The following KLHL35 variants were observed in gnomAD, a reference collection of about 807,000 sequenced individuals.
KLHL35 encodes the protein kelch-like protein 35.
A neutral mutation model predicts 44.0 loss-of-function variants in KLHL35; 50 were observed. That is an observed-to-expected ratio of 1.14 (90% CI 0.91 to 1.44). KLHL35 has a LOEUF of 1.44. Among genes scored for constraint, KLHL35 ranks in the 40% most tolerant of loss-of-function variants. The pLI is 0.00. For synonymous variants in KLHL35, 470 were observed against 410.4 expected, an observed-to-expected ratio of 1.15 and a Z score of -1.76; for missense variants, 1,049 against 887.8, an observed-to-expected ratio of 1.18 and a Z score of -2.31.
Position 75,429,761 on chromosome 11 carries a change from G to T in KLHL35, c.869C>A (p.Thr290Asn). ...ATGGCGGCCCTACCTCCGCGGCCGGGTCCGCAGCGCACCGGCCTCGCGGCC... is the reference window on the plus strand; with the variant it reads ...ATGGCGGCCCTACCTCCGCGGCCGGTTCCGCAGCGCACCGGCCTCGCGGCC... The part of the protein sequence containing the change: ...ILGREAGALR[T>N]RPRRFMDLAE... Residue 290 changes from threonine to asparagine, a missense_variant, in exon 2 of 7, where the codon ACC becomes AAC. Coordinates refer to ENST00000539798, the MANE Select transcript of KLHL35 (RefSeq NM_001039548.3). 2 of 1,481,606 alleles carry T rather than the reference G, an allele frequency of 1.3e-6. No individual in the cohort carries two copies. Among genetic ancestry groups the T allele is most frequent in the Non-Finnish European group, 1.8e-6 (2 of 1,121,854 alleles). 91.8% of individuals were successfully genotyped at this position (1,481,606 alleles called of 1,614,324 possible). A position where few individuals can be genotyped will look rare whatever the true frequency, so the allele number is the denominator to read the frequency against.
chr11:75,430,379 A>G lies in KLHL35; in HGVS notation c.251T>C (p.Val84Ala). 1 of 1,362,882 alleles carries G rather than the reference A, an allele frequency of 7.3e-7. No homozygotes were observed. The highest frequency in any genetic ancestry group is 9.5e-7 in the Non-Finnish European group (1 of 1,055,070). 84.4% of individuals were successfully genotyped at this position (1,362,882 alleles called of 1,614,324 possible). Residue 84 changes from valine to alanine, a missense_variant, in exon 2 of 7, where the codon GTG (valine) becomes GCG (alanine). Coordinates refer to ENST00000539798, the MANE Select transcript of KLHL35 (RefSeq NM_001039548.3). The stretch of plus-strand genomic sequence containing the variant: ...TGGCGCCTCGGGAGCTACTGGCACC[A>G]CTGGCACCACGGCCGGGCCGCGCTC... Reference protein sequence around the residue: ...RPERGPAVVPVVPVAPEAPGT... With the variant: ...RPERGPAVVPAVPVAPEAPGT...
Position 75,430,537 on chromosome 11 carries a change from C to T in KLHL35, c.93G>A (p.Leu31=). The change falls in exon 2 of 7, where the codon CTG becomes CTA. Residue 31 remains leucine (L), a synonymous_variant. Coordinates refer to ENST00000539798, the MANE Select transcript of KLHL35 (RefSeq NM_001039548.3). ...PCHAQRVLQA[L]NAYRRSGTLT... ...GGGTGCCGCTCCGCCGGTAGGCGTT[C>T]AGGGCCTGCAGCACGCGCTGCGCGT... is the stretch of plus-strand genomic sequence containing the variant. The T allele has an allele frequency of 6.9e-7, 1 of 1,450,648 alleles. No homozygotes were observed. The highest frequency in any genetic ancestry group is 9.0e-7 in the Non-Finnish European group (1 of 1,105,810). The allele number at this position is 1,450,648 out of a possible 1,614,324, so 89.9% of individuals were successfully genotyped here.
intron 1 of KLHL35, among the ~76,000 whole-genome samples, chr11:75,431,352 GGC>G (rs1295310734): frequency 2.2e-4 from 33 of 152,336 alleles, no homozygotes; most frequent in African/African-American, 7.9e-4. Context: ...TTCTGTGCCA[GGC>G]AGTGAGCAAG....
chr11:75,426,190 C>T (rs1226364137), intron 4 of KLHL35: 3 of 164,068 alleles, frequency 1.8e-5, no homozygotes, highest in Non-Finnish European at 4.1e-5. Flanking sequence ...CTCCTGACCT[C>T]GTGATCCGCC....
chr11:75,425,659 G>A, intron 4 of KLHL35, 78 bp from the exon 5 acceptor site: 1 of 1,250,080 alleles, frequency 8.0e-7, no homozygotes. Flanking sequence ...AGTCCTTACA[G>A]TCTTTGAGCT....
chr11:75,429,814 C>T lies in KLHL35; in HGVS notation c.816G>A (p.Leu272=), dbSNP rs1948518485. The T allele has an allele frequency of 1.3e-6, 2 of 1,511,414 alleles. No homozygotes were observed. The highest frequency in any genetic ancestry group is 2.4e-5 in the South Asian group (2 of 81,968). The allele number at this position is 1,511,414 out of a possible 1,614,324, so 93.6% of individuals were successfully genotyped here. A position where few individuals can be genotyped will look rare whatever the true frequency, so the allele number is the denominator to read the frequency against. The part of the protein sequence containing the change: ...LQACGECRPL[L]LEARACFILG... ...GGATGAAGCAGGCGCGAGCCTCGAG[C>T]AGCAGCGGGCGGCACTCGCCGCAGG... is the stretch of plus-strand genomic sequence containing the variant. The change falls in exon 2 of 7, where the codon CTG becomes CTA. Residue 272 remains leucine, a synonymous_variant. Transcript: ENST00000539798.
intron 1 of KLHL35, among the ~76,000 whole-genome samples, chr11:75,431,498 G>T (rs1371141417): frequency 6.6e-6 from 1 of 152,128 alleles, no homozygotes; most frequent in Admixed American, 6.5e-5. Context: ...GTCCCTGAGG[G>T]GAACCTTCCA....
At chr11:75,425,044 T>G (rs1021558325) in intron 5 of KLHL35, 69 of 100,480 alleles carry the variant, frequency 6.9e-4, no homozygotes, top group African/African-American at 5.9e-3. Context: ...ATTATGGGTT[T>G]TTTTTTTTTC....
intron 2 of KLHL35, among the ~76,000 whole-genome samples, chr11:75,429,161 T>C (rs113539770): frequency 0.026 from 3,915 of 152,308 alleles, 186 homozygotes; most frequent in African/African-American, 0.09. Flanking sequence ...ACCCTTTCAG[T>C]AAATCATTCT....
In KLHL35 at chr11:75,430,122, G is replaced by C. The variant is rs1441209736; in HGVS notation, c.508C>G (p.Leu170Val). 10 of 1,267,634 alleles carry C rather than the reference G, an allele frequency of 7.9e-6. No homozygotes were observed. The East Asian group carries it at 1.0e-4, about 13-fold the overall frequency. The allele number at this position is 1,267,634 out of a possible 1,614,324, so 78.5% of individuals were successfully genotyped here. Residue 170 changes from leucine to valine, a missense_variant, in exon 2 of 7, where the codon CTG (leucine) becomes GTG (valine). By Grantham distance (32) the Leu-to-Val change is conservative. Transcript: ENST00000539798. ...AGGACGCGGCCGCAGCGCTCGGCCA[G>C]CGGGGCCAGCGAGAAGGCGGCGGCC... ...RVAAAFSLAP[L>V]AERCGRVLRQ... is the part of the protein sequence containing the mutation.
rs933075226 is a variant in KLHL35, at chr11:75,430,396, G to C, written c.234C>G (p.Gly78=). ...SLFAAGRPER[G]PAVVPVVPVA... ...CTGGCACCACTGGCACCACGGCCGG[G>C]CCGCGCTCGGGCCGCCCGGCCGCGA... Residue 78 remains glycine, a synonymous_variant, in exon 2 of 7, where the codon GGC becomes GGG. Transcript: ENST00000539798. The C allele has an allele frequency of 2.3e-5, 32 of 1,370,402 alleles. No individual in the cohort carries two copies. Among genetic ancestry groups the C allele is most frequent in the Non-Finnish European group, 2.9e-5 (31 of 1,059,496 alleles). 84.9% of individuals were successfully genotyped at this position (1,370,402 alleles called of 1,614,324 possible). A position where few individuals can be genotyped will look rare whatever the true frequency, so the allele number is the denominator to read the frequency against.
chr11:75,429,726 A>C (rs964968615), intron 2 of KLHL35, 23 bp downstream of exon 2: 2 of 1,431,834 alleles, frequency 1.4e-6, no homozygotes, highest in Non-Finnish European at 1.8e-6. Flanking sequence ...GGAGGGCGGG[A>C]AGCTAGGGGA....
intron 6 of KLHL35, 162 bp downstream of exon 6, chr11:75,423,530 G>A: frequency 1.5e-6 from 1 of 666,872 alleles, no homozygotes; most frequent in Non-Finnish European, 2.6e-6. Context: ...TCTAAGGCCA[G>A]TCTCCTCATC....
chr11:75,429,624 T>C, intron 2 of KLHL35, 125 bp downstream of exon 2: 1 of 1,250,796 alleles, frequency 8.0e-7, no homozygotes, highest in East Asian at 3.2e-5. Context: ...ACCGAGCCTC[T>C]AAAATGTTGA....
At chr11:75,431,071 C>G (rs1948533821) in intron 1 of KLHL35, among the ~76,000 whole-genome samples, 1 of 152,166 alleles carries the variant, frequency 6.6e-6, no homozygotes, top group Admixed American at 6.5e-5. Context: ...GTTACTGGAA[C>G]CTGGAAATAT....
rs1470018034 is a variant in KLHL35, at chr11:75,429,886, C to A, written c.744G>T (p.Ala248=). 5.9e-6 allele frequency: 9 copies of A among 1,518,772 alleles called. No individual in the cohort carries two copies. Among genetic ancestry groups the A allele is most frequent in the Admixed American group, 2.0e-5 (1 of 49,794 alleles). 94.1% of individuals were successfully genotyped at this position (1,518,772 alleles called of 1,614,324 possible). The part of the protein sequence containing the change: ...LLEHVRLPLL[A]PAYFLEKVEA... ...CCACCTTCTCCAGGAAGTAAGCGGG[C>A]GCCAGTAGCGGCAGGCGCACGTGCT... The change falls in exon 2 of 7, where the codon GCG becomes GCT. Residue 248 remains alanine (A), a synonymous_variant. Transcript: ENST00000539798.
intron 1 of KLHL35, among the ~76,000 whole-genome samples, chr11:75,431,017 G>A (rs1348815640): frequency 6.6e-6 from 1 of 152,190 alleles, no homozygotes; most frequent in African/African-American, 2.4e-5. Context: ...ACTAACAGCA[G>A]GGCGCCTTGG....
intron 1 of KLHL35, among the ~76,000 whole-genome samples, chr11:75,431,725 T>C (rs1177896662): frequency 1.3e-5 from 2 of 152,132 alleles, no homozygotes; most frequent in Non-Finnish European, 1.5e-5. Context: ...GCCTCAGTTA[T>C]CTCATCTGAA....
intron 1 of KLHL35, among the ~76,000 whole-genome samples, chr11:75,430,985 G>A (rs1301496980): frequency 1.3e-5 from 2 of 152,230 alleles, no homozygotes; most frequent in South Asian, 2.1e-4. Flanking sequence ...ACTCCAGTAG[G>A]AGTAGGGCTG....
Sources: gnomAD v4.1 joint callset for allele counts (sites outside exome capture counted in the v4.1 genomes callset) on GRCh38, gnomAD v4.1.1 for gene constraint, MANE v1.5 for transcripts, NCBI Gene and HGNC (gene_info 2026-07-23, HGNC 2026-07-21) for gene names.